CBLB: variants seen among roughly 807,000 people sequenced by gnomAD.
CBLB encodes Cbl proto-oncogene B.
Under a neutral mutation model 104.9 loss-of-function variants are expected in CBLB, and 31 were observed. The observed-to-expected ratio is 0.30, with a 90% CI of 0.22 to 0.40. CBLB has a LOEUF of 0.40. Among genes scored for constraint, CBLB ranks in the 10% least tolerant of loss-of-function variants. The pLI is 1.00. For missense variants in CBLB, 1,062 were observed against 1,214.6 expected, an observed-to-expected ratio of 0.87 and a Z score of 1.87; for synonymous variants, 440 against 422.6, an observed-to-expected ratio of 1.04 and a Z score of -0.51.
intron 14 of CBLB, chr3:105,682,119 C>A: frequency 3.4e-6 from 1 of 290,926 alleles, no homozygotes; most frequent in South Asian, 5.3e-5. Context: ...TGGAAGAATT[C>A]AATAGAACCT....
chr3:105,866,492 TAA>T (rs2092434723), intron 2 of CBLB, among the ~76,000 whole-genome samples: 1 of 152,178 alleles, frequency 6.6e-6, no homozygotes, highest in South Asian at 2.1e-4. Context: ...ATCTATGAAA[TAA>T]AGTCATAATG....
intron 18 of CBLB, among the ~76,000 whole-genome samples, chr3:105,663,760 G>A (rs371616197): frequency 5.3e-5 from 8 of 152,052 alleles, no homozygotes; most frequent in Admixed American, 4.6e-4. Flanking sequence ...GTTCTTGTGG[G>A]ATGAAAGAAA....
intron 3 of CBLB, among the ~76,000 whole-genome samples, chr3:105,849,539 T>C (rs2090688829): frequency 6.6e-6 from 1 of 152,044 alleles, no homozygotes; most frequent in Admixed American, 6.6e-5. Flanking sequence ...CAAACAAAAC[T>C]TAAATGTCTC....
intron 9 of CBLB, among the ~76,000 whole-genome samples, chr3:105,733,123 C>G (rs765813860): frequency 6.6e-6 from 1 of 151,960 alleles, no homozygotes; most frequent in East Asian, 1.9e-4. Context: ...TTTGGGAGGC[C>G]GTGGCAGGTG....
chr3:105,724,980 T>C (rs1238481777), intron 9 of CBLB, among the ~76,000 whole-genome samples: 1 of 152,164 alleles, frequency 6.6e-6, no homozygotes, highest in Non-Finnish European at 1.5e-5. Flanking sequence ...CACTACACTA[T>C]AGGATCAGCA....
At chr3:105,713,530 T>G (rs1270218702) in intron 10 of CBLB, among the ~76,000 whole-genome samples, 3 of 152,156 alleles carry the variant, frequency 2.0e-5, no homozygotes, top group African/African-American at 7.2e-5. Context: ...TCAAAACTTT[T>G]AGAGTTCAAG....
chr3:105,726,875 C>G (rs1475874154), intron 9 of CBLB, among the ~76,000 whole-genome samples: 1 of 152,202 alleles, frequency 6.6e-6, no homozygotes, highest in East Asian at 1.9e-4. Flanking sequence ...CTGCAAAGGA[C>G]ATGAACTCAT....
At chr3:105,712,882 A>G (rs908190034) in intron 10 of CBLB, among the ~76,000 whole-genome samples, 1 of 152,204 alleles carries the variant, frequency 6.6e-6, no homozygotes, top group Non-Finnish European at 1.5e-5. Context: ...TGCTATCAAC[A>G]TCTAAAAGAA....
At chr3:105,721,092 T>C (rs956265659) in intron 9 of CBLB, among the ~76,000 whole-genome samples, 4 of 152,212 alleles carry the variant, frequency 2.6e-5, no homozygotes, top group Admixed American at 1.3e-4. Context: ...TAAGATGGTA[T>C]ATGATATTCT....
chr3:105,701,989 A>G, intron 12 of CBLB, 105 bp downstream of exon 12: 1 of 1,174,900 alleles, frequency 8.5e-7, no homozygotes, highest in South Asian at 1.3e-5. Context: ...CTTACAGGGA[A>G]GTGCCATGCT....
intron 6 of CBLB, among the ~76,000 whole-genome samples, chr3:105,745,277 A>T (rs1476450557): frequency 2.0e-5 from 3 of 152,220 alleles, no homozygotes; most frequent in Non-Finnish European, 4.4e-5. Flanking sequence ...CTGGATCCAG[A>T]TTTGCCATTA....
intron 9 of CBLB, among the ~76,000 whole-genome samples, chr3:105,732,756 T>C (rs1484704108): frequency 6.6e-6 from 1 of 152,158 alleles, no homozygotes; most frequent in African/African-American, 2.4e-5. Context: ...CCCCCTTCCA[T>C]GAGCCTCAAT....
At chr3:105,847,073 T>C (rs965082720) in intron 3 of CBLB, among the ~76,000 whole-genome samples, 1 of 152,076 alleles carries the variant, frequency 6.6e-6, no homozygotes. Context: ...TTGTTATTAT[T>C]GTGGCTGCTG....
intron 2 of CBLB, among the ~76,000 whole-genome samples, chr3:105,857,869 T>A (rs1301789733): frequency 6.6e-6 from 1 of 152,138 alleles, no homozygotes; most frequent in Non-Finnish European, 1.5e-5. Flanking sequence ...TTTAGTGCTA[T>A]GATGGAGGCA....
intron 3 of CBLB, 137 bp from the exon 4 acceptor site, chr3:105,776,679 C>T (rs1285555583): frequency 5.4e-6 from 4 of 741,342 alleles, no homozygotes; most frequent in Non-Finnish European, 8.9e-6. Flanking sequence ...ACGAAAACCT[C>T]AACTTAATGC....
chr3:105,786,061 C>CGGCG (rs1553794621), intron 3 of CBLB, among the ~76,000 whole-genome samples: 1 of 79,200 alleles, frequency 1.3e-5, no homozygotes, highest in African/African-American at 4.3e-5. Context: ...GTGAGAGGAT[C>CGGCG]GGGGGGGGGA....
rs73854886 is a variant in CBLB at position 105,803,196 on chromosome 3, G to A, written c.420-26654C>T. Among the ~76,000 whole-genome samples the A allele has an allele frequency of 6.4e-3, 977 of 152,264 alleles. 12 individuals are homozygous for A. The highest frequency in any genetic ancestry group is 0.023 in the African/African-American group (936 of 41,536). On this transcript the variant is annotated intron_variant, in intron 3 of 18. Coordinates refer to ENST00000394030, the MANE Select transcript of CBLB (RefSeq NM_170662.5). ...TTATTGTAATACGTAATTTTTAGTT[G>A]TGATAATTACCCAAGAGATTCAGAA...
At chr3:105,841,916 C>T (rs2089606254) in intron 3 of CBLB, among the ~76,000 whole-genome samples, 1 of 151,884 alleles carries the variant, frequency 6.6e-6, no homozygotes, top group Admixed American at 6.6e-5. Context: ...CACATTTTTT[C>T]ATGTCTTGCA....
chr3:105,776,478 G>A lies in CBLB; in HGVS notation c.484C>T (p.Pro162Ser), dbSNP rs1329814780. 3 of 1,613,632 alleles carry A rather than the reference G, an allele frequency of 1.9e-6. No homozygotes were observed. Among genetic ancestry groups the A allele is most frequent in the South Asian group, 1.1e-5 (1 of 91,078 alleles). ...TTATCTCCCTGGAATTGACCATTGGGAAAGATTGCTTTGATTTCTGCCAGC... is the reference window on the plus strand; with the variant it reads ...TTATCTCCCTGGAATTGACCATTGGAAAAGATTGCTTTGATTTCTGCCAGC... ...HMLAEIKAIF[P>S]NGQFQGDNFR... The change falls in exon 4 of 19, where the codon CCC becomes TCC. Residue 162 changes from proline to serine, a missense_variant. This residue lies in a region of CBLB where 457 missense variants were observed against 632.0 expected (regional missense o/e 0.72). Coordinates refer to ENST00000394030, the MANE Select transcript of CBLB (RefSeq NM_170662.5).
Sources: gnomAD v4.1 joint callset for allele counts (sites outside exome capture counted in the v4.1 genomes callset) on GRCh38, gnomAD v4.1.1 for gene constraint, gnomAD v4.1.1 regional missense constraint, MANE v1.5 for transcripts, NCBI Gene and HGNC (gene_info 2026-07-23, HGNC 2026-07-21) for gene names.